KLHL6: variants seen among roughly 807,000 people sequenced by gnomAD.
KLHL6 encodes the protein kelch-like protein 6.
In KLHL6, 41 loss-of-function variants were observed where a neutral mutation model predicts 58.6. The ratio of observed to expected loss-of-function variants is 0.70; its 90% CI spans 0.55 to 0.91. The LOEUF (loss-of-function observed/expected upper bound fraction) is 0.91. Among genes scored for constraint, KLHL6 ranks in the 40% least tolerant of loss-of-function variants. The pLI is 0.00. For synonymous variants in KLHL6, 338 were observed against 322.7 expected (o/e 1.05, Z -0.51); for missense variants, 714 against 805.6 (o/e 0.89, Z 1.38).
intron 1 of KLHL6, among the ~76,000 whole-genome samples, chr3:183,555,049 C>G (rs1204290843): frequency 4.6e-5 from 7 of 152,196 alleles, no homozygotes; most frequent in Admixed American, 4.6e-4. Context: ...CTGCAAATCC[C>G]AGCTACTCGG....
chr3:183,501,163 G>A (rs565164223), intron 3 of KLHL6, among the ~76,000 whole-genome samples: 1 of 152,296 alleles, frequency 6.6e-6, no homozygotes, highest in South Asian at 2.1e-4. Context: ...TGGCCCTGAC[G>A]GTATGGACAG....
intron 1 of KLHL6, among the ~76,000 whole-genome samples, chr3:183,543,837 A>C (rs1389579469): frequency 6.6e-6 from 1 of 152,322 alleles, no homozygotes; most frequent in Admixed American, 6.5e-5. Flanking sequence ...GCTATGATGC[A>C]ACCTGTTAGT....
intron 2 of KLHL6, among the ~76,000 whole-genome samples, chr3:183,523,653 A>G (rs187666430): frequency 6.6e-6 from 1 of 151,632 alleles, no homozygotes; most frequent in African/African-American, 2.4e-5. Flanking sequence ...TAAGCTCCCA[A>G]TCCCTTACTC....
intron 1 of KLHL6, among the ~76,000 whole-genome samples, chr3:183,550,548 A>T (rs2108700497): frequency 6.6e-6 from 1 of 152,314 alleles, no homozygotes; most frequent in Non-Finnish European, 1.5e-5. Context: ...TAATCCCAGC[A>T]ATTTGGGAGG....
At chr3:183,518,121 A>G (rs544217427) in intron 2 of KLHL6, among the ~76,000 whole-genome samples, 5 of 152,296 alleles carry the variant, frequency 3.3e-5, no homozygotes, top group Non-Finnish European at 4.4e-5. Flanking sequence ...GGTTTGCCCA[A>G]TGGCCTGGAG....
chr3:183,517,592 C>T (rs937593090), intron 2 of KLHL6, among the ~76,000 whole-genome samples: 2 of 152,186 alleles, frequency 1.3e-5, no homozygotes, highest in Admixed American at 6.6e-5. Flanking sequence ...TGTTGAGGGA[C>T]TGAGGCAACT....
chr3:183,505,435 A>G (rs1469062488), intron 3 of KLHL6, among the ~76,000 whole-genome samples: 1 of 152,248 alleles, frequency 6.6e-6, no homozygotes, highest in Non-Finnish European at 1.5e-5. Flanking sequence ...AATATTAGAA[A>G]GAAAGTCTCA....
chr3:183,520,388 T>A (rs1418429675), intron 2 of KLHL6: 3 of 151,798 alleles, frequency 2.0e-5, no homozygotes, highest in Non-Finnish European at 4.4e-5. Context: ...TGTGGGTATT[T>A]CTCATCAGGT....
In KLHL6 at chr3:183,492,425, G is replaced by C; in HGVS notation, c.1564+69C>G. On this transcript the variant is annotated intron_variant, in intron 6 of 6. Coordinates refer to ENST00000341319, the MANE Select transcript of KLHL6 (RefSeq NM_130446.4). The surrounding 1 kb of genome is among the most constrained non-coding windows in gnomAD (Gnocchi z 5.9). ...AGCGCTGGAGACACCGCGACACACC[G>C]TTTACGTGCTGCAGCCAGGCGCTCA... 6.4e-7 allele frequency: 1 copy of C among 1,550,656 alleles called. No individual in the cohort carries two copies. Among genetic ancestry groups the C allele is most frequent in the Non-Finnish European group, 8.9e-7 (1 of 1,127,374 alleles).
intron 4 of KLHL6, among the ~76,000 whole-genome samples, chr3:183,498,709 A>G (rs1717781278): frequency 6.6e-6 from 1 of 152,192 alleles, no homozygotes; most frequent in African/African-American, 2.4e-5. Flanking sequence ...TTTACTGAAC[A>G]TTTACCCCGA....
At chr3:183,537,560 GGCGGT>G (rs1374369091) in intron 1 of KLHL6, among the ~76,000 whole-genome samples, 2 of 152,112 alleles carry the variant, frequency 1.3e-5, no homozygotes, top group East Asian at 3.9e-4. Flanking sequence ...CCAACACTTG[GGCGGT>G]GAGTCAGTGC....
chr3:183,504,183 C>A (rs1717942896), intron 3 of KLHL6, among the ~76,000 whole-genome samples: 1 of 152,188 alleles, frequency 6.6e-6, no homozygotes, highest in African/African-American at 2.4e-5. Flanking sequence ...GTGGCAATGG[C>A]AACAGCTTCC....
intron 2 of KLHL6, among the ~76,000 whole-genome samples, chr3:183,512,946 G>T (rs1020146183): frequency 1.3e-5 from 2 of 152,186 alleles, no homozygotes; most frequent in African/African-American, 4.8e-5. Context: ...CTCTCCAATT[G>T]TGTGTAAGAA....
intron 1 of KLHL6, among the ~76,000 whole-genome samples, chr3:183,529,604 A>G (rs1184338305): frequency 6.6e-6 from 1 of 152,092 alleles, no homozygotes; most frequent in South Asian, 2.1e-4. Flanking sequence ...TTGGAAGGCC[A>G]AGGCGGGTGC....
rs376471323 is a variant in KLHL6, at chr3:183,494,278, C to T, written c.1151G>A (p.Gly384Asp). 2 of 1,610,944 alleles carry T rather than the reference C, an allele frequency of 1.2e-6. No individual in the cohort carries two copies. The change falls in exon 5 of 7, where the codon GGC (glycine) becomes GAC (aspartate). Residue 384 changes from glycine to aspartate, a missense_variant. By Grantham distance (94) the Gly-to-Asp change is moderately conservative. Transcript: ENST00000341319. ...CCAAACATCATGCTGTGTTTCTTTG[C>T]CACCTGCAAGAGATACAAAGCATTT... ...TLKNEVYISG[G>D]KETQHDVWKY...
rs1717471594 is a variant in KLHL6 at position 183,489,019 on chromosome 3, C to G, written c.*2908G>C. The stretch of plus-strand genomic sequence containing the variant: ...ATTCATTTAGGTATTCTGAAGTAGT[C>G]CAGAAACTTGGGTCCTACATTTAGA... On this transcript the variant is annotated 3_prime_UTR_variant, in exon 7 of 7. Coordinates refer to ENST00000341319, the MANE Select transcript of KLHL6 (RefSeq NM_130446.4). 6.6e-6 allele frequency: 1 copy of G among 152,182 alleles called. No individual in the cohort carries two copies. Among genetic ancestry groups the G allele is most frequent in the Admixed American group, 6.5e-5 (1 of 15,288 alleles). 9.4% of individuals were successfully genotyped at this position (152,182 alleles called of 1,614,324 possible).
chr3:183,517,403 C>T (rs573867738), intron 2 of KLHL6, among the ~76,000 whole-genome samples: 4 of 152,308 alleles, frequency 2.6e-5, no homozygotes, highest in African/African-American at 9.6e-5. Context: ...GCTCCGTTCC[C>T]GTGGCAGTAT....
intron 1 of KLHL6, among the ~76,000 whole-genome samples, chr3:183,534,132 G>GTACTTTTAAAGTACTT (rs1712277911): frequency 6.2e-5 from 1 of 16,064 alleles, no homozygotes; most frequent in African/African-American, 1.2e-4. Flanking sequence ...AAAGTACTTT[G>GTACTTTTAAAGTACTT]TACTTTTAAA....
chr3:183,537,602 C>A (rs1455104311), intron 1 of KLHL6, among the ~76,000 whole-genome samples: 1 of 152,116 alleles, frequency 6.6e-6, no homozygotes, highest in African/African-American at 2.4e-5. Context: ...CCTGACCCAG[C>A]AAGCTTGTCT....
Sources: allele counts gnomAD v4.1 joint callset (sites outside exome capture counted in the v4.1 genomes callset), GRCh38; gene constraint gnomAD v4.1.1; non-coding constraint Gnocchi (gnomAD v3.1); transcripts MANE v1.5; gene names NCBI Gene and HGNC (gene_info 2026-07-23, HGNC 2026-07-21).